CATSPER3: variants seen among roughly 807,000 people sequenced by gnomAD.
The protein encoded by CATSPER3 is cation channel sperm-associated protein 3.
CATSPER3 carries 23 observed loss-of-function variants against 36.6 expected under a neutral mutation model. That is an observed-to-expected ratio of 0.63 (90% CI 0.45 to 0.89). CATSPER3 has a LOEUF of 0.89. Among genes scored for constraint, CATSPER3 ranks in the 40% least tolerant of loss-of-function variants. The pLI, the probability that CATSPER3 is intolerant of heterozygous loss-of-function variation, is 0.00. For synonymous variants in CATSPER3, 172 were observed against 184.1 expected, an observed-to-expected ratio of 0.93 and a Z score of 0.53; for missense variants, 474 against 503.9, an observed-to-expected ratio of 0.94 and a Z score of 0.57.
At chr5:135,007,291 C>T (rs1048316994) in intron 3 of CATSPER3, among the ~76,000 whole-genome samples, 1 of 152,188 alleles carries the variant, frequency 6.6e-6, no homozygotes, top group East Asian at 1.9e-4. Flanking sequence ...GAGGTTATGT[C>T]TGTGAAACGT....
At chr5:134,986,318 A>G (rs745524895) in intron 2 of CATSPER3, among the ~76,000 whole-genome samples, 12 of 151,344 alleles carry the variant, frequency 7.9e-5, no homozygotes, top group Non-Finnish European at 1.0e-4. Flanking sequence ...CTAATTTTGT[A>G]TTTTTAGTAG....
chr5:135,003,335 C>T (rs1013729360), intron 3 of CATSPER3, among the ~76,000 whole-genome samples: 6 of 152,156 alleles, frequency 3.9e-5, no homozygotes, highest in South Asian at 2.1e-4. Flanking sequence ...GAGGGGCACC[C>T]GGCCATGTGA....
intron 2 of CATSPER3, among the ~76,000 whole-genome samples, chr5:134,985,065 C>T (rs1219210263): frequency 9.2e-5 from 14 of 152,140 alleles, no homozygotes; most frequent in African/African-American, 3.1e-4. Context: ...GTGATCTGCC[C>T]ACCTCAGCCT....
chr5:135,010,552 C>A, intron 7 of CATSPER3, 22 bp downstream of exon 7: 1 of 1,612,086 alleles, frequency 6.2e-7, no homozygotes, highest in East Asian at 2.2e-5. Context: ...CCCCAGCCTT[C>A]CCTGGTCCCT....
At chr5:135,007,818 C>CCCCCCCCCT in intron 3 of CATSPER3, 139 bp from the exon 4 acceptor site, 1 of 394,198 alleles carries the variant, frequency 2.5e-6, no homozygotes, top group Non-Finnish European at 5.1e-6. Flanking sequence ...ACCCACCCAC[C>CCCCCCCCCT]CTTATTGAGC....
intron 3 of CATSPER3, among the ~76,000 whole-genome samples, chr5:134,997,193 G>A (rs927707548): frequency 6.6e-6 from 1 of 152,180 alleles, no homozygotes; most frequent in Non-Finnish European, 1.5e-5. Context: ...GTGTTCAGTC[G>A]GGGTGTGTCG....
At chr5:134,984,224 G>A (rs1322798895) in intron 2 of CATSPER3, among the ~76,000 whole-genome samples, 1 of 152,122 alleles carries the variant, frequency 6.6e-6, no homozygotes, top group African/African-American at 2.4e-5. Context: ...CATTGGCCTA[G>A]GCAAACAGTT....
intron 1 of CATSPER3, 82 bp from the exon 2 acceptor site, chr5:134,969,857 T>C: frequency 2.2e-6 from 3 of 1,393,620 alleles, no homozygotes; most frequent in Non-Finnish European, 3.1e-6. Flanking sequence ...AGCAGAGCCT[T>C]GTCCCTACAA....
chr5:135,000,057 G>A (rs1262749588), intron 3 of CATSPER3, among the ~76,000 whole-genome samples: 2 of 152,146 alleles, frequency 1.3e-5, no homozygotes, highest in Admixed American at 1.3e-4. Flanking sequence ...GTCATAAATA[G>A]CTCTTATTAT....
At chr5:134,986,458 CTTTTT>C (rs61671231) in intron 2 of CATSPER3, among the ~76,000 whole-genome samples, 1 of 116,622 alleles carries the variant, frequency 8.6e-6, no homozygotes, top group Non-Finnish European at 1.7e-5. Flanking sequence ...ACAGCATACC[CTTTTT>C]TTTTTTTTTT....
chr5:135,008,977 CA>C lies in CATSPER3; in HGVS notation c.813del (p.Glu272ArgfsTer11). 1 of 1,614,046 alleles carries C rather than the reference CA, an allele frequency of 6.2e-7. No homozygotes were observed. Among genetic ancestry groups the C allele is most frequent in the Non-Finnish European group, 8.5e-7 (1 of 1,180,002 alleles). On this transcript the variant is annotated frameshift_variant, in exon 5 of 8. Coordinates refer to ENST00000282611, the MANE Select transcript of CATSPER3 (RefSeq NM_178019.3). LOFTEE classifies it high-confidence loss of function. ...NMFVGVMIMH[T>X]EDSIRKFERE... ...TTCGTGGGTGTGATGATCATGCACA[CA>C]GAGGTGAGGCCACACCTGTGAGGAT...
intron 3 of CATSPER3, among the ~76,000 whole-genome samples, chr5:134,998,577 A>G (rs1054835706): frequency 4.6e-5 from 7 of 152,188 alleles, no homozygotes; most frequent in Non-Finnish European, 7.4e-5. Context: ...CCTCTCCAGC[A>G]CCTGTTGTTT....
At chr5:134,983,635 T>C (rs1334315777) in intron 2 of CATSPER3, among the ~76,000 whole-genome samples, 1 of 152,198 alleles carries the variant, frequency 6.6e-6, no homozygotes, top group Non-Finnish European at 1.5e-5. Flanking sequence ...CTGGGGTGGC[T>C]ATACTAATAT....
At chr5:134,970,292 G>A (rs1297632316) in intron 2 of CATSPER3, among the ~76,000 whole-genome samples, 200 bp downstream of exon 2, 1 of 151,914 alleles carries the variant, frequency 6.6e-6, no homozygotes, top group Non-Finnish European at 1.5e-5. Context: ...CTCCTGAATA[G>A]CTGGGATTAT....
rs150354052 is a variant in CATSPER3 at position 134,993,136 on chromosome 5, A to G, written c.253-3137A>G. 5.1e-3 allele frequency among the ~76,000 whole-genome samples: 781 copies of G among 152,346 alleles called. 12 individuals are homozygous for G. The highest frequency in any genetic ancestry group is 0.017 in the African/African-American group (698 of 41,576). On this transcript the variant is annotated intron_variant, in intron 2 of 7. Coordinates refer to ENST00000282611, the MANE Select transcript of CATSPER3 (RefSeq NM_178019.3). ...ACACATGCTAGAAATAGAATTCTGCATTCTATTCCACGTGCTACAACATGG... is the reference window on the plus strand; with the variant it reads ...ACACATGCTAGAAATAGAATTCTGCGTTCTATTCCACGTGCTACAACATGG...
chr5:134,997,786 C>T (rs2149551041), intron 3 of CATSPER3, among the ~76,000 whole-genome samples: 1 of 152,314 alleles, frequency 6.6e-6, no homozygotes. Context: ...CTCTCTTTGA[C>T]CTTTAGACCC....
chr5:135,007,383 G>A (rs1191534809), intron 3 of CATSPER3, among the ~76,000 whole-genome samples: 1 of 152,186 alleles, frequency 6.6e-6, no homozygotes, highest in African/African-American at 2.4e-5. Context: ...AGTCATACAC[G>A]GTGCTCCCCA....
In CATSPER3 at chr5:135,008,928, G is replaced by T. The variant is rs779616768; in HGVS notation, c.763G>T (p.Ala255Ser). 1.9e-6 allele frequency: 3 copies of T among 1,613,686 alleles called. No individual in the cohort carries two copies. The highest frequency in any genetic ancestry group is 2.2e-5 in the East Asian group (1 of 44,898). Reference protein sequence around the residue: ...RAFTIIFILLASFIFLNMFVG... With the variant: ...RAFTIIFILLSSFIFLNMFVG... ...ATTCACCATCATCTTCATCTTGCTCGCCTCTTTCATCTTCCTCAACATGTT... is the reference window on the plus strand; with the variant it reads ...ATTCACCATCATCTTCATCTTGCTCTCCTCTTTCATCTTCCTCAACATGTT... The change falls in exon 5 of 8, where the codon GCC (alanine) becomes TCC (serine). Residue 255 changes from alanine (A) to serine (S), a missense_variant. Coordinates refer to ENST00000282611, the MANE Select transcript of CATSPER3 (RefSeq NM_178019.3).
chr5:134,979,929 C>G (rs995317811), intron 2 of CATSPER3, among the ~76,000 whole-genome samples: 1 of 143,778 alleles, frequency 7.0e-6, no homozygotes, highest in Non-Finnish European at 1.5e-5. Flanking sequence ...CTCCCTCCCT[C>G]CCTCCCACCC....
Sources: allele counts gnomAD v4.1 joint callset (sites outside exome capture counted in the v4.1 genomes callset), GRCh38; gene constraint gnomAD v4.1.1; transcripts MANE v1.5; gene names NCBI Gene and HGNC (gene_info 2026-07-23, HGNC 2026-07-21).